CFAP91: variants seen among roughly 807,000 people sequenced by gnomAD.
CFAP91 encodes cilia and flagella associated protein 91.
A neutral mutation model predicts 95.9 loss-of-function variants in CFAP91; 85 were observed. The ratio of observed to expected loss-of-function variants is 0.89; its 90% CI spans 0.74 to 1.06. The LOEUF is 1.06. Ranked by LOEUF, CFAP91 falls within the 50% of genes least tolerant of loss-of-function variation. The pLI is 0.00. For synonymous variants in CFAP91, 335 were observed against 327.5 expected (o/e 1.02, Z -0.25); for missense variants, 962 against 943.4 (o/e 1.02, Z -0.26).
chr3:119,709,954 T>G (rs756516274), intron 5 of CFAP91, 59 bp downstream of exon 5: 83 of 1,342,978 alleles, frequency 6.2e-5, no homozygotes, highest in Non-Finnish European at 8.7e-5. Context: ...CTTCCATATT[T>G]TTTCTTAGAA....
chr3:119,752,402 T>A (rs536967548), intron 17 of CFAP91: 2 of 152,304 alleles, frequency 1.3e-5, no homozygotes, highest in Non-Finnish European at 2.9e-5. Context: ...GAGAGAAAGC[T>A]AATAAGTGAC....
chr3:119,704,577 A>AG (rs1317945398), intron 1 of CFAP91, among the ~76,000 whole-genome samples: 1 of 152,162 alleles, frequency 6.6e-6, no homozygotes. Flanking sequence ...TTTAGTATAA[A>AG]TTTTTGTCCT....
In CFAP91 at chr3:119,730,378, G is replaced by C; in HGVS notation, c.1018+1G>C. ...AAAATTCAGCGCACGCATGTATCAAGTAATGGTGTAGTATGAACAATGAAG... is the reference window on the plus strand; with the variant it reads ...AAAATTCAGCGCACGCATGTATCAACTAATGGTGTAGTATGAACAATGAAG... On this transcript the variant is annotated splice_donor_variant, in intron 8 of 17. Transcript: ENST00000273390. LOFTEE classifies it high-confidence loss of function. 3.7e-6 allele frequency: 6 copies of C among 1,613,646 alleles called. No homozygotes were observed. The highest frequency in any genetic ancestry group is 5.1e-6 in the Non-Finnish European group (6 of 1,179,770).
chr3:119,730,196 T>G (rs780274317), intron 7 of CFAP91, 24 bp from the exon 8 acceptor site: 1 of 1,608,238 alleles, frequency 6.2e-7, no homozygotes, highest in Non-Finnish European at 8.5e-7. Flanking sequence ...ATATGCTTCT[T>G]TATGTTTTGT....
intron 6 of CFAP91, among the ~76,000 whole-genome samples, chr3:119,725,077 GTATAAT>G (rs5852223): frequency 0.17 from 25,871 of 152,076 alleles, 2,579 homozygotes; most frequent in Admixed American, 0.24. Flanking sequence ...AGATTTTTCT[GTATAAT>G]TATATTTTTA....
intron 5 of CFAP91, among the ~76,000 whole-genome samples, chr3:119,713,732 A>G (rs1484619389): frequency 6.6e-6 from 1 of 152,156 alleles, no homozygotes; most frequent in Non-Finnish European, 1.5e-5. Flanking sequence ...AATTTATTGT[A>G]TATACATCTA....
intron 6 of CFAP91, among the ~76,000 whole-genome samples, chr3:119,716,461 C>T (rs1243326862): frequency 6.6e-6 from 1 of 152,282 alleles, no homozygotes; most frequent in Non-Finnish European, 1.5e-5. Context: ...AGATTACTTT[C>T]CCCCGCATTG....
chr3:119,729,700 C>T (rs902692134), intron 7 of CFAP91, among the ~76,000 whole-genome samples: 3 of 151,988 alleles, frequency 2.0e-5, no homozygotes, highest in Non-Finnish European at 4.4e-5. Context: ...AGATAACAGT[C>T]ATCTGTGCAT....
intron 6 of CFAP91, among the ~76,000 whole-genome samples, chr3:119,723,998 A>G (rs2053732923): frequency 6.6e-6 from 1 of 151,076 alleles, no homozygotes; most frequent in Non-Finnish European, 1.5e-5. Context: ...TGTCTCTACT[A>G]AAAATACAAA....
intron 16 of CFAP91, chr3:119,750,385 GCT>G: frequency 6.3e-6 from 1 of 157,976 alleles, no homozygotes; most frequent in South Asian, 1.8e-4. Context: ...GGGCTTAGGT[GCT>G]TACCCTGATA....
intron 6 of CFAP91, among the ~76,000 whole-genome samples, chr3:119,720,517 G>T (rs1025572740): frequency 6.6e-6 from 1 of 151,894 alleles, no homozygotes; most frequent in Non-Finnish European, 1.5e-5. Context: ...TATAGAAATT[G>T]ACCTGGTAAA....
chr3:119,732,336 A>G lies in CFAP91; in HGVS notation c.1061A>G (p.Lys354Arg). The G allele has an allele frequency of 6.2e-7, 1 of 1,610,838 alleles. No homozygotes were observed. Among genetic ancestry groups the G allele is most frequent in the South Asian group, 1.1e-5 (1 of 90,442 alleles). The change falls in exon 9 of 18, where the codon AAG (lysine) becomes AGG (arginine). Residue 354 changes from lysine (K) to arginine (R), a missense_variant. Physicochemically the swap from Lys to Arg is conservative, Grantham distance 26. Coordinates refer to ENST00000273390, the MANE Select transcript of CFAP91 (RefSeq NM_033364.4). Reference protein sequence around the residue: ...LVGKRKNIEGKLERRNIIKDY... With the variant: ...LVGKRKNIEGRLERRNIIKDY... ...GGAAAGAGAAAGAATATAGAAGGGA[A>G]GTTGGAGAGAAGAAATATCATCAAG...
Position 119,733,362 on chromosome 3 carries a change from A to G in CFAP91, c.1202-2A>G. 6.2e-7 allele frequency: 1 copy of G among 1,613,742 alleles called. No homozygotes were observed. ...CTAAAAACATGTGCTTCCTTCCCAT[A>G]GGATTAGTGGAACTTGAGTCATGTC... On this transcript the variant is annotated splice_acceptor_variant, in intron 9 of 17. Transcript: ENST00000273390. LOFTEE classifies it high-confidence loss of function.
In CFAP91 at chr3:119,739,397, G is replaced by T. The variant is rs554819988; in HGVS notation, c.1533+71G>T. 26 of 1,410,194 alleles carry T rather than the reference G, an allele frequency of 1.8e-5. No individual in the cohort carries two copies. In the South Asian group the frequency reaches 2.5e-4, roughly 14 times the overall value. 87.4% of individuals were successfully genotyped at this position (1,410,194 alleles called of 1,614,324 possible). On this transcript the variant is annotated intron_variant, in intron 12 of 17. Coordinates refer to ENST00000273390, the MANE Select transcript of CFAP91 (RefSeq NM_033364.4). ...AATTTTTTAGAATGCATATGTGCTT[G>T]GTTCCTTGGAGTGAATCCCTTTTGC...
In CFAP91 at chr3:119,715,922, C is replaced by A. The variant is rs185798118; in HGVS notation, c.682+179C>A. 19 of 614,528 alleles carry A rather than the reference C, an allele frequency of 3.1e-5. No individual in the cohort carries two copies. In the South Asian group the frequency reaches 3.5e-4, roughly 11 times the overall value. 38.1% of individuals were successfully genotyped at this position (614,528 alleles called of 1,614,324 possible). ...ACTTCTGGTCAAATAAAGATACTATCTTTTTATTGTGAGTAGTTTTATCGT... is the reference window on the plus strand; with the variant it reads ...ACTTCTGGTCAAATAAAGATACTATATTTTTATTGTGAGTAGTTTTATCGT... On this transcript the variant is annotated intron_variant, in intron 6 of 17. Coordinates refer to ENST00000273390, the MANE Select transcript of CFAP91 (RefSeq NM_033364.4).
chr3:119,725,136 C>A (rs535195753), intron 6 of CFAP91, among the ~76,000 whole-genome samples: 1 of 152,176 alleles, frequency 6.6e-6, no homozygotes, highest in Non-Finnish European at 1.5e-5. Context: ...GTTCAGTGAT[C>A]AAACAGGAAA....
intron 13 of CFAP91, among the ~76,000 whole-genome samples, chr3:119,743,122 C>T (rs953482570): frequency 1.3e-5 from 2 of 150,408 alleles, no homozygotes; most frequent in Non-Finnish European, 3.0e-5. Context: ...GACATTTGGT[C>T]TGTTTCCTGT....
chr3:119,751,217 C>T (rs973082236), intron 17 of CFAP91, 119 bp downstream of exon 17: 1 of 1,142,008 alleles, frequency 8.8e-7, no homozygotes, highest in Non-Finnish European at 1.2e-6. Context: ...AAATGGAGGA[C>T]TTCCACTTAA....
intron 5 of CFAP91, among the ~76,000 whole-genome samples, chr3:119,711,572 A>G (rs1303384879): frequency 1.3e-5 from 2 of 152,352 alleles, no homozygotes; most frequent in Middle Eastern, 3.4e-3. Context: ...GAGTTAAACC[A>G]TGACATTTGA....
Sources: allele counts gnomAD v4.1 joint callset (sites outside exome capture counted in the v4.1 genomes callset), GRCh38; gene constraint gnomAD v4.1.1; transcripts MANE v1.5; gene names NCBI Gene and HGNC (gene_info 2026-07-23, HGNC 2026-07-21).